Variants in CPLANE1 observed in about 807,000 individuals in gnomAD.
CPLANE1 encodes ciliogenesis and planar polarity effector 1.
A neutral mutation model predicts 362.5 loss-of-function variants in CPLANE1; 263 were observed. The observed-to-expected ratio is 0.73, with a 90% CI of 0.66 to 0.80. The LOEUF is 0.80. Among genes scored for constraint, CPLANE1 ranks in the 30% least tolerant of loss-of-function variants. The probability of loss-of-function intolerance (pLI) is 0.00; values close to 1 mark genes in which losing one functional copy is unlikely to be tolerated. For synonymous variants in CPLANE1, 1,212 were observed against 1,302.6 expected (o/e 0.93, Z 1.50); for missense variants, 3,461 against 3,793.4 (o/e 0.91, Z 2.30).
At chr5:37,115,325 G>T (rs762108932) in intron 50 of CPLANE1, among the ~76,000 whole-genome samples, 11 of 152,118 alleles carry the variant, frequency 7.2e-5, no homozygotes, top group Admixed American at 1.3e-4. Flanking sequence ...TGACATCTCT[G>T]GCAACTGGAA....
At chr5:37,227,153 TCTCTTCCCTTTAAC>T in intron 11 of CPLANE1, 76 bp downstream of exon 11, 1 of 1,506,324 alleles carries the variant, frequency 6.6e-7, no homozygotes, top group Non-Finnish European at 8.9e-7. Context: ...TTCTTAAATT[TCTCTTCCCTTTAAC>T]AAGAGAAAAA....
intron 21 of CPLANE1, among the ~76,000 whole-genome samples, chr5:37,194,767 T>C (rs1410421127): frequency 6.6e-6 from 1 of 150,440 alleles, no homozygotes; most frequent in Non-Finnish European, 1.5e-5. Flanking sequence ...ACTCCTAGGC[T>C]CAAGCAACCT....
At chr5:37,162,931 C>T (rs1777233202) in intron 37 of CPLANE1, among the ~76,000 whole-genome samples, 1 of 152,238 alleles carries the variant, frequency 6.6e-6, no homozygotes, top group African/African-American at 2.4e-5. Context: ...CCACCCGCCT[C>T]AGCCTCCCAA....
chr5:37,083,334 C>G, the CPLANE1 span, among the ~76,000 whole-genome samples: 1 of 152,182 alleles, frequency 6.6e-6, no homozygotes, highest in African/African-American at 2.4e-5. Flanking sequence ...GAGAAGGAAT[C>G]AGAAAACCAA....
intron 26 of CPLANE1, among the ~76,000 whole-genome samples, chr5:37,182,374 A>G (rs1782887343): frequency 6.6e-6 from 1 of 152,166 alleles, no homozygotes; most frequent in Admixed American, 6.5e-5. Context: ...AAGAAAAACT[A>G]TCCCCTAACG....
At chr5:37,202,947 T>C (rs188500500) in intron 18 of CPLANE1, among the ~76,000 whole-genome samples, 15 of 150,668 alleles carry the variant, frequency 1.0e-4, no homozygotes, top group Non-Finnish European at 1.3e-4. Flanking sequence ...ATTTTATATA[T>C]ATATATGTAT....
chr5:37,188,737 A>G (rs183397593), intron 21 of CPLANE1, among the ~76,000 whole-genome samples: 1 of 152,380 alleles, frequency 6.6e-6, no homozygotes, highest in Non-Finnish European at 1.5e-5. Context: ...TAGCAGCACA[A>G]TAGCAAGACC....
chr5:37,241,059 C>G (rs1561711513), intron 6 of CPLANE1, among the ~76,000 whole-genome samples: 1 of 151,830 alleles, frequency 6.6e-6, no homozygotes, highest in Non-Finnish European at 1.5e-5. Context: ...TCGCTTGAAC[C>G]CAGGAGGCAG....
At chr5:37,224,174 AG>A in intron 14 of CPLANE1, 78 bp downstream of exon 14, 1 of 910,476 alleles carries the variant, frequency 1.1e-6, no homozygotes, top group Non-Finnish European at 1.7e-6. Flanking sequence ...TTTGGAATTT[AG>A]AATTACTGTT....
intron 51 of CPLANE1, among the ~76,000 whole-genome samples, chr5:37,112,630 C>G (rs762753582): frequency 2.0e-5 from 3 of 152,182 alleles, no homozygotes; most frequent in Non-Finnish European, 2.9e-5. Flanking sequence ...TAACACCAAA[C>G]AGTGTCTACA....
the CPLANE1 span, among the ~76,000 whole-genome samples, chr5:37,095,279 A>T: frequency 6.6e-6 from 1 of 152,210 alleles, no homozygotes; most frequent in Admixed American, 6.5e-5. Context: ...GTGGTTTAAT[A>T]TATGCAAGTC....
intron 21 of CPLANE1, among the ~76,000 whole-genome samples, chr5:37,189,052 T>C (rs1198028224): frequency 6.6e-6 from 1 of 152,296 alleles, no homozygotes; most frequent in Admixed American, 6.5e-5. Context: ...TTTCACCATG[T>C]TGGCCAGGCT....
chr5:37,144,817 C>T (rs923255603), intron 43 of CPLANE1, among the ~76,000 whole-genome samples: 4 of 148,982 alleles, frequency 2.7e-5, no homozygotes, highest in East Asian at 3.9e-4. Context: ...CACCACTGCA[C>T]TCCAGCCTGG....
In CPLANE1 at chr5:37,227,682, C is replaced by G; in HGVS notation, c.1257G>C (p.Met419Ile). ...TATCAAGAAATCGAAGGGTTGTGAC[C>G]ATATATCCATCAGATATAACGAGGT... is the stretch of plus-strand genomic sequence containing the variant. ...LPYLVISDGY[M>I]VTTLRFLDSL... Residue 419 changes from methionine to isoleucine, a missense_variant, in exon 10 of 53, where the codon ATG becomes ATC. Physicochemically the swap from Met to Ile is conservative, Grantham distance 10 (BLOSUM62 1). Around this residue, in one of 2 missense-constraint regions of CPLANE1, gnomAD observed 3,380 missense variants for 3,666.1 expected, o/e 0.92. Transcript: ENST00000651892. The G allele has an allele frequency of 6.4e-7, 1 of 1,551,396 alleles. No individual in the cohort carries two copies. The highest frequency in any genetic ancestry group is 8.7e-7 in the Non-Finnish European group (1 of 1,146,868).
At chr5:37,144,236 C>A (rs192243596) in intron 43 of CPLANE1, among the ~76,000 whole-genome samples, 2 of 148,214 alleles carry the variant, frequency 1.3e-5, no homozygotes, top group East Asian at 4.0e-4. Flanking sequence ...GGTGAAAACC[C>A]GTCTCTACTA....
intron 21 of CPLANE1, 56 bp from the exon 22 acceptor site, chr5:37,187,898 A>AT: frequency 8.3e-7 from 1 of 1,204,814 alleles, no homozygotes; most frequent in Non-Finnish European, 1.2e-6. Flanking sequence ...CATTAATATT[A>AT]TAACAACTCC....
Position 37,224,586 on chromosome 5 carries a change from G to T in CPLANE1, c.2446C>A (p.Leu816Ile), listed in dbSNP as rs192335673. The T allele has an allele frequency of 1.3e-6, 2 of 1,551,342 alleles. No homozygotes were observed. The highest frequency in any genetic ancestry group is 2.4e-5 in the South Asian group (2 of 84,046). ...TTCAAGCAATCTCCAGTACTCTGTA[G>T]GTTAGCCTGCAAATGACATAACAGG... ...KSLLCHLQAN[L>I]QSTGDCLNQT... Residue 816 changes from leucine (L) to isoleucine (I), a missense_variant, in exon 13 of 53, where the codon CTA (leucine) becomes ATA (isoleucine). Leu to Ile is a conservative substitution (Grantham distance 5). This residue lies in a region of CPLANE1 where 3,380 missense variants were observed against 3,666.1 expected (regional missense o/e 0.92). Coordinates refer to ENST00000651892, the MANE Select transcript of CPLANE1 (RefSeq NM_001384732.1).
intron 43 of CPLANE1, among the ~76,000 whole-genome samples, chr5:37,145,899 G>T (rs1771427229): frequency 6.6e-6 from 1 of 152,172 alleles, no homozygotes; most frequent in Non-Finnish European, 1.5e-5. Context: ...CTAGGTACAT[G>T]CTGGACACAA....
chr5:37,180,712 G>C (rs1782446350), intron 27 of CPLANE1, 145 bp downstream of exon 27: 1 of 645,470 alleles, frequency 1.5e-6, no homozygotes, highest in Admixed American at 3.0e-5. Flanking sequence ...AATTGTTAAA[G>C]CACCTCAGAA....
Sources: allele counts gnomAD v4.1 joint callset (sites outside exome capture counted in the v4.1 genomes callset), GRCh38; gene constraint gnomAD v4.1.1; regional missense constraint gnomAD v4.1.1; transcripts MANE v1.5; gene names NCBI Gene and HGNC (gene_info 2026-07-23, HGNC 2026-07-21).